Variants in B4GALNT3 observed in about 807,000 individuals in gnomAD.
B4GALNT3 encodes the protein beta-1,4-N-acetyl-galactosaminyltransferase 3.
Under a neutral mutation model 120.2 loss-of-function variants are expected in B4GALNT3, and 86 were observed. The observed-to-expected ratio is 0.72, with a 90% confidence interval of 0.60 to 0.86. B4GALNT3 has a LOEUF of 0.86. B4GALNT3 is among the 40% of genes least tolerant of loss of function. B4GALNT3 has a pLI of 0.00. For missense variants in B4GALNT3, 1,167 were observed against 1,298.9 expected (o/e 0.90, Z 1.56); for synonymous variants, 518 against 510.4 (o/e 1.01, Z -0.20).
chr12:538,394 A>AAAT (rs1946881975), intron 3 of B4GALNT3, among the ~76,000 whole-genome samples: 1 of 151,666 alleles, frequency 6.6e-6, no homozygotes, highest in South Asian at 2.1e-4. Flanking sequence ...TTGTCTCTAC[A>AAAT]AATAATAAAA....
intron 1 of B4GALNT3, among the ~76,000 whole-genome samples, chr12:534,585 G>A (rs558845108): frequency 6.6e-6 from 1 of 152,238 alleles, no homozygotes; most frequent in African/African-American, 2.4e-5. Flanking sequence ...GCAGCCTCCC[G>A]GTGACTCCAG....
intron 1 of B4GALNT3, among the ~76,000 whole-genome samples, chr12:500,808 T>C (rs1262180466): frequency 6.6e-6 from 1 of 150,788 alleles, no homozygotes; most frequent in Non-Finnish European, 1.5e-5. Flanking sequence ...ATTATGGTGC[T>C]GTAAGCATTT....
intron 1 of B4GALNT3, among the ~76,000 whole-genome samples, chr12:518,350 G>A (rs958920427): frequency 2.0e-5 from 3 of 152,146 alleles, no homozygotes; most frequent in Non-Finnish European, 2.9e-5. Context: ...ACCAAAATCC[G>A]AGGATACTCA....
At chr12:534,910 A>G (rs1946842881) in intron 1 of B4GALNT3, among the ~76,000 whole-genome samples, 1 of 152,188 alleles carries the variant, frequency 6.6e-6, no homozygotes, top group African/African-American at 2.4e-5. Flanking sequence ...GTCCAGGCTC[A>G]CCTGGACTGG....
chr12:465,427 T>C (rs1369984179), intron 1 of B4GALNT3, among the ~76,000 whole-genome samples: 1 of 152,152 alleles, frequency 6.6e-6, no homozygotes, highest in East Asian at 1.9e-4. Flanking sequence ...GAATAGAACC[T>C]AGGAATTCTT....
intron 1 of B4GALNT3, among the ~76,000 whole-genome samples, chr12:497,386 G>A (rs1456619624): frequency 2.6e-5 from 4 of 151,618 alleles, no homozygotes; most frequent in Admixed American, 6.6e-5. Context: ...CAGGTGAACC[G>A]CCCGCCTCGG....
intron 1 of B4GALNT3, among the ~76,000 whole-genome samples, chr12:486,037 G>A (rs934542156): frequency 2.6e-5 from 4 of 152,128 alleles, no homozygotes; most frequent in African/African-American, 9.7e-5. Flanking sequence ...GAGGCTCAGT[G>A]TGAACAAGTC....
intron 1 of B4GALNT3, among the ~76,000 whole-genome samples, chr12:512,153 C>A (rs1282028710): frequency 1.1e-5 from 1 of 92,720 alleles, no homozygotes. Flanking sequence ...CACCTTCCGC[C>A]TTCCGCCTTC....
intron 1 of B4GALNT3, among the ~76,000 whole-genome samples, chr12:524,168 C>T (rs1016395813): frequency 2.6e-5 from 4 of 152,186 alleles, no homozygotes; most frequent in Admixed American, 2.6e-4. Flanking sequence ...ACCTGAAGTT[C>T]CATTAAAATG....
Position 548,952 on chromosome 12 carries a change from C to T in B4GALNT3, c.853+655C>T, listed in dbSNP as rs560860193. On this transcript the variant is annotated intron_variant, in intron 9 of 19. Transcript: ENST00000266383. This position sits in a 1 kb window ranked among gnomAD's most constrained non-coding sequence, Gnocchi z 4.9. Reference sequence around the variant, plus strand: ...AAAACCCTCTGAGCGAGTCCAATCCCCTATTTTCCAGATGAGGTAACCACG... The same window carrying T: ...AAAACCCTCTGAGCGAGTCCAATCCTCTATTTTCCAGATGAGGTAACCACG... Among the ~76,000 whole-genome samples the T allele has an allele frequency of 1.3e-5, 2 of 152,256 alleles. No homozygotes were observed. The highest frequency in any genetic ancestry group is 3.9e-4 in the East Asian group (2 of 5,186).
chr12:547,696 G>A (rs1947025209), intron 7 of B4GALNT3, among the ~76,000 whole-genome samples: 1 of 152,090 alleles, frequency 6.6e-6, no homozygotes. Flanking sequence ...CTACGAACAA[G>A]GATTACATGA....
In B4GALNT3 at chr12:553,789, C is replaced by T. The variant is rs772138831; in HGVS notation, c.1866C>T (p.Phe622=). ...AGGAAGAGGATATGAGTGAGGTGTT[C>T]GAGTACGTACCTGTGTTTGACCCGG... is the stretch of plus-strand genomic sequence containing the variant. ...EEEEEDMSEV[F]EYVPVFDPVV... Residue 622 remains phenylalanine, a synonymous_variant, in exon 14 of 20, where the codon TTC becomes TTT. Transcript: ENST00000266383. 55 of 1,614,060 alleles carry T rather than the reference C, an allele frequency of 3.4e-5. No individual in the cohort carries two copies. The highest frequency in any genetic ancestry group is 6.7e-5 in the African/African-American group (5 of 74,924).
chr12:460,449 C>G lies in B4GALNT3; in HGVS notation c.73C>G (p.Leu25Val). 5 of 1,577,538 alleles carry G rather than the reference C, an allele frequency of 3.2e-6. No individual in the cohort carries two copies. The highest frequency in any genetic ancestry group is 1.4e-5 in the African/African-American group (1 of 72,520). The change falls in exon 1 of 20, where the codon CTG (leucine) becomes GTG (valine). Residue 25 changes from leucine to valine, a missense_variant. By Grantham distance (32) the Leu-to-Val change is conservative. Coordinates refer to ENST00000266383, the MANE Select transcript of B4GALNT3 (RefSeq NM_173593.4). The surrounding 1 kb of genome is among the most constrained non-coding windows in gnomAD (Gnocchi z 8.0). ...GAAGCTGCTGCGGAGGCGCTTCCGG[C>G]TGCTGCTGGCGCTCGCCGTGGTGTC... The part of the protein sequence containing the change: ...PVKLLRRRFR[L>V]LLALAVVSVG...
rs776752316 is a variant in B4GALNT3, at chr12:553,931, G to T, written c.2008G>T (p.Ala670Ser). The change falls in exon 14 of 20, where the codon GCT becomes TCT. Residue 670 changes from alanine to serine, a missense_variant. Physicochemically the swap from Ala to Ser is moderately conservative, Grantham distance 99 (BLOSUM62 1). Around this residue, in one of 3 missense-constraint regions of B4GALNT3, gnomAD observed 983 missense variants for 1,102.5 expected, o/e 0.89. Coordinates refer to ENST00000266383, the MANE Select transcript of B4GALNT3 (RefSeq NM_173593.4). ...SGNLLLPEQE[A>S]LEVTRVFLKK... is the part of the protein sequence containing the mutation. ...CAACCTGCTGCTTCCAGAGCAGGAA[G>T]CTCTGGAGGTCACGCGAGTCTTCTT... 6.2e-7 allele frequency: 1 copy of T among 1,614,120 alleles called. No individual in the cohort carries two copies. Among genetic ancestry groups the T allele is most frequent in the Admixed American group, 1.7e-5 (1 of 60,034 alleles).
Position 460,968 on chromosome 12 carries a change from A to G in B4GALNT3, c.169+423A>G, listed in dbSNP as rs7315437. 0.84 allele frequency among the ~76,000 whole-genome samples: 127,667 copies of G among 152,172 alleles called. 55,095 individuals are homozygous for G. The highest frequency in any genetic ancestry group is 0.96 in the Non-Finnish European group (65,226 of 68,016). On this transcript the variant is annotated intron_variant, in intron 1 of 19. Transcript: ENST00000266383. This position sits in a 1 kb window ranked among gnomAD's most constrained non-coding sequence, Gnocchi z 8.0. ...GTGCGGGATGCCCTCGGCCGTCCACACCCAGGCGCGCGCTCCAGTCCGCGC... is the reference window on the plus strand; with the variant it reads ...GTGCGGGATGCCCTCGGCCGTCCACGCCCAGGCGCGCGCTCCAGTCCGCGC...
chr12:487,582 G>A (rs1487535380), intron 1 of B4GALNT3, among the ~76,000 whole-genome samples: 2 of 151,890 alleles, frequency 1.3e-5, no homozygotes, highest in Non-Finnish European at 2.9e-5. Context: ...GTGTAGTGGC[G>A]CATGCCTGTA....
At chr12:505,000 C>T (rs1200668456) in intron 1 of B4GALNT3, among the ~76,000 whole-genome samples, 2 of 151,972 alleles carry the variant, frequency 1.3e-5, no homozygotes, top group African/African-American at 4.8e-5. Context: ...AAGCGATCCT[C>T]CTGCCTCAGC....
intron 1 of B4GALNT3, among the ~76,000 whole-genome samples, chr12:510,746 G>C (rs1285572785): frequency 6.6e-6 from 1 of 152,080 alleles, no homozygotes; most frequent in Admixed American, 6.5e-5. Flanking sequence ...TTGGGAAGTA[G>C]GGAGAAGGGA....
In B4GALNT3 at chr12:535,225, G is replaced by T. The variant is rs1168125595; in HGVS notation, c.229G>T (p.Asp77Tyr). ...ALASRNIPAV[D>Y]PHLQFYHPQR... is the part of the protein sequence containing the mutation. The stretch of plus-strand genomic sequence containing the variant: ...GGCCAGCAGGAACATTCCAGCTGTG[G>T]ATCCACACCTCCAGTTCTACCATCC... Residue 77 changes from aspartate to tyrosine, a missense_variant, in exon 2 of 20, where the codon GAT becomes TAT. By Grantham distance (160) the Asp-to-Tyr change is radical (BLOSUM62 -3). Around this residue, in one of 3 missense-constraint regions of B4GALNT3, gnomAD observed 171 missense variants for 161.3 expected, o/e 1.06. Coordinates refer to ENST00000266383, the MANE Select transcript of B4GALNT3 (RefSeq NM_173593.4). The T allele has an allele frequency of 6.2e-7, 1 of 1,613,974 alleles. No individual in the cohort carries two copies. Among genetic ancestry groups the T allele is most frequent in the East Asian group, 2.2e-5 (1 of 44,884 alleles).
Sources: gnomAD v4.1 joint callset for allele counts (sites outside exome capture counted in the v4.1 genomes callset) on GRCh38, gnomAD v4.1.1 for gene constraint, gnomAD v4.1.1 regional missense constraint, Gnocchi (gnomAD v3.1) non-coding constraint, MANE v1.5 for transcripts, NCBI Gene and HGNC (gene_info 2026-07-23, HGNC 2026-07-21) for gene names.